Variants in DLGAP2 observed in about 807,000 individuals in gnomAD.
DLGAP2 encodes disks large-associated protein 2.
DLGAP2 carries 26 observed loss-of-function variants against 100.3 expected under a neutral mutation model. The observed-to-expected ratio is 0.26, with a 90% CI of 0.19 to 0.36. The LOEUF is 0.36. DLGAP2 is among the 10% of genes least tolerant of loss of function. The pLI, the probability that DLGAP2 is intolerant of heterozygous loss-of-function variation, is 1.00. For missense variants in DLGAP2, 1,858 were observed against 1,453.2 expected (o/e 1.28, Z -4.53); for synonymous variants, 886 against 630.1 (o/e 1.41, Z -6.08).
chr8:1,092,735 T>TGGCCTGGGAGCCCAGATGTGGCTCTCCCA, intron 2 of DLGAP2, among the ~76,000 whole-genome samples: 1 of 152,280 alleles, frequency 6.6e-6, no homozygotes, highest in Non-Finnish European at 1.5e-5. Flanking sequence ...GGTCCCGACT[T>TGGCCTGGGAGCCCAGATGTGGCTCTCCCA]GGCCTGGGAG....
intron 6 of DLGAP2, among the ~76,000 whole-genome samples, chr8:1,601,273 T>G (rs572930533): frequency 6.3e-4 from 96 of 152,292 alleles, no homozygotes; most frequent in African/African-American, 2.2e-3. Context: ...TCCTGCCAGA[T>G]GCCAGCCGGA....
At chr8:1,483,676 G>GTGCAGGAGGTGGGGACCAGGGAGGCAGA (rs1799164616) in intron 3 of DLGAP2, among the ~76,000 whole-genome samples, 1 of 151,510 alleles carries the variant, frequency 6.6e-6, no homozygotes, top group African/African-American at 2.4e-5. Flanking sequence ...AGGGAGGCAG[G>GTGCAGGAGGTGGGGACCAGGGAGGCAGA]TGCAGGAGGT....
At chr8:1,509,199 C>T (rs1305349279) in intron 4 of DLGAP2, among the ~76,000 whole-genome samples, 1 of 151,880 alleles carries the variant, frequency 6.6e-6, no homozygotes, top group Admixed American at 6.6e-5. Context: ...GGCATGGTGG[C>T]GGGCGCCTGT....
chr8:754,750 G>A (rs1820881285), intron 1 of DLGAP2, among the ~76,000 whole-genome samples: 1 of 152,198 alleles, frequency 6.6e-6, no homozygotes, highest in African/African-American at 2.4e-5. Context: ...GCTGAGGTGG[G>A]AGGATCGCTT....
chr8:1,216,227 G>A (rs113334274), intron 2 of DLGAP2, among the ~76,000 whole-genome samples: 12 of 152,172 alleles, frequency 7.9e-5, no homozygotes, highest in African/African-American at 2.4e-4. Flanking sequence ...CAGGTCTCAC[G>A]TGAACTGAGG....
chr8:1,072,308 G>C (rs1803458552), intron 2 of DLGAP2, among the ~76,000 whole-genome samples: 1 of 151,988 alleles, frequency 6.6e-6, no homozygotes. Context: ...TAACATTTTG[G>C]AAAGAAAAAA....
chr8:996,200 G>A (rs933754390), intron 2 of DLGAP2, among the ~76,000 whole-genome samples: 1 of 152,186 alleles, frequency 6.6e-6, no homozygotes, highest in South Asian at 2.1e-4. Context: ...TCTCTGGCTA[G>A]ACCAAAGCCT....
chr8:955,012 A>G (rs1799564445), intron 2 of DLGAP2, among the ~76,000 whole-genome samples: 1 of 152,134 alleles, frequency 6.6e-6, no homozygotes, highest in Non-Finnish European at 1.5e-5. Flanking sequence ...AGCATTCCAC[A>G]GAACGGTTTC....
chr8:1,377,730 C>G (rs1013694441), intron 3 of DLGAP2: 1 of 152,064 alleles, frequency 6.6e-6, no homozygotes, highest in Non-Finnish European at 1.5e-5. Flanking sequence ...CTCCCAATAC[C>G]ATATAATATT....
intron 3 of DLGAP2, among the ~76,000 whole-genome samples, chr8:1,275,069 G>A (rs978493267): frequency 2.6e-5 from 4 of 152,134 alleles, no homozygotes; most frequent in African/African-American, 9.7e-5. Flanking sequence ...GAAGGCTCCA[G>A]CCCAGGCAGA....
At chr8:1,580,462 A>G (rs945018322) in intron 6 of DLGAP2, among the ~76,000 whole-genome samples, 22 of 152,220 alleles carry the variant, frequency 1.4e-4, no homozygotes, top group African/African-American at 5.1e-4. Context: ...AAAGGCAGAA[A>G]AGAGCATCCG....
At chr8:1,417,726 G>GGGGGCCACGGGGAGGCCTC (rs1796967566) in intron 3 of DLGAP2, among the ~76,000 whole-genome samples, 6 of 142,478 alleles carry the variant, frequency 4.2e-5, no homozygotes, top group Admixed American at 7.0e-5. Context: ...CGAGGCTCCA[G>GGGGGCCACGGGGAGGCCTC]ACACAGAAGC....
chr8:1,323,116 G>A (rs1245897654), intron 3 of DLGAP2, among the ~76,000 whole-genome samples: 4 of 149,994 alleles, frequency 2.7e-5, no homozygotes, highest in African/African-American at 7.4e-5. Flanking sequence ...TGCAACCTCC[G>A]CCTCCCAGGT....
At chr8:980,280 G>T (rs1800291892) in intron 2 of DLGAP2, among the ~76,000 whole-genome samples, 2 of 152,226 alleles carry the variant, frequency 1.3e-5, no homozygotes, top group African/African-American at 4.8e-5. Flanking sequence ...GGCCCACCGT[G>T]TGGAATGGTG....
At chr8:1,558,022 C>T (rs1420748567) in intron 5 of DLGAP2, among the ~76,000 whole-genome samples, 1 of 152,234 alleles carries the variant, frequency 6.6e-6, no homozygotes, top group Non-Finnish European at 1.5e-5. Context: ...TGGCTGAGGG[C>T]ATGCCCTGGA....
At position 1,060,844 on chromosome 8, in the gene DLGAP2, G is replaced by C. The variant is rs564227966; in HGVS notation, c.73+152878G>C. ...GAGGCAGGAGGCCACAGCCAGGGCA[G>C]CCTGGGATGCTGTTGAGGAAGAGGA... On this transcript the variant is annotated intron_variant, in intron 2 of 14. Transcript: ENST00000637795. Among the ~76,000 whole-genome samples, 100 of 152,240 alleles carry C rather than the reference G, an allele frequency of 6.6e-4. 1 individual carries two copies. The highest frequency in any genetic ancestry group is 1.3e-3 in the Non-Finnish European group (87 of 68,038).
intron 2 of DLGAP2, among the ~76,000 whole-genome samples, chr8:1,013,452 G>T (rs1168972333): frequency 6.6e-6 from 1 of 152,234 alleles, no homozygotes; most frequent in South Asian, 2.1e-4. Context: ...AGCAGGAATC[G>T]GAATAGGAGG....
intron 1 of DLGAP2, among the ~76,000 whole-genome samples, chr8:881,585 C>T (rs1474485771): frequency 6.8e-6 from 1 of 147,268 alleles, no homozygotes; most frequent in East Asian, 1.9e-4. Flanking sequence ...CTGCAACCTC[C>T]ACCTCCTGGG....
chr8:1,522,846 G>T (rs1420247152), intron 4 of DLGAP2, among the ~76,000 whole-genome samples: 1 of 152,200 alleles, frequency 6.6e-6, no homozygotes, highest in Non-Finnish European at 1.5e-5. Context: ...ATATCAAGAG[G>T]CTATTATATG....
Sources: allele counts gnomAD v4.1 joint callset (sites outside exome capture counted in the v4.1 genomes callset), GRCh38; gene constraint gnomAD v4.1.1; transcripts MANE v1.5; gene names NCBI Gene and HGNC (gene_info 2026-07-23, HGNC 2026-07-21).